PREX2: variants seen among roughly 807,000 people sequenced by gnomAD.
PREX2 encodes the protein phosphatidylinositol-3,4,5-trisphosphate dependent Rac exchange factor 2.
Under a neutral mutation model 203.2 loss-of-function variants are expected in PREX2, and 107 were observed. That is an observed-to-expected ratio of 0.53 (90% CI 0.45 to 0.62). The LOEUF (loss-of-function observed/expected upper bound fraction) is 0.62, where lower values mean the gene tolerates loss of function less well. Ranked by LOEUF, PREX2 falls within the 20% of genes least tolerant of loss-of-function variation. The probability of loss-of-function intolerance (pLI) is 0.00; values close to 1 mark genes in which losing one functional copy is unlikely to be tolerated. For synonymous variants in PREX2, 672 were observed against 663.6 expected, an observed-to-expected ratio of 1.01 and a Z score of -0.19; for missense variants, 1,777 against 1,955.9, an observed-to-expected ratio of 0.91 and a Z score of 1.72.
At chr8:68,118,769 G>C (rs770862931) in intron 27 of PREX2, 125 bp downstream of exon 27, 6 of 787,674 alleles carry the variant, frequency 7.6e-6, no homozygotes, top group Non-Finnish European at 1.4e-5. Flanking sequence ...ACTCTCTGTG[G>C]CCACACATAC....
chr8:68,036,303 C>T (rs1808029207), intron 6 of PREX2, among the ~76,000 whole-genome samples: 3 of 152,226 alleles, frequency 2.0e-5, no homozygotes, highest in Admixed American at 2.0e-4. Flanking sequence ...ATACTCCTTG[C>T]ATTTATTAAG....
chr8:67,996,992 C>G (rs1473061693), intron 1 of PREX2, among the ~76,000 whole-genome samples: 1 of 152,064 alleles, frequency 6.6e-6, no homozygotes, highest in Non-Finnish European at 1.5e-5. Flanking sequence ...CTGCAGTCAA[C>G]GTGAGTGAAA....
chr8:68,051,382 G>T (rs181760973), intron 8 of PREX2, among the ~76,000 whole-genome samples: 1 of 152,176 alleles, frequency 6.6e-6, no homozygotes, highest in East Asian at 1.9e-4. Context: ...TAAGCTGCAG[G>T]TGCAAGGTTC....
At position 68,108,301 on chromosome 8, in the gene PREX2, C is replaced by T; in HGVS notation, c.2908C>T (p.His970Tyr). 6.2e-7 allele frequency: 1 copy of T among 1,613,622 alleles called. No individual in the cohort carries two copies. Among genetic ancestry groups the T allele is most frequent in the Non-Finnish European group, 8.5e-7 (1 of 1,179,716 alleles). Residue 970 changes from histidine (H) to tyrosine (Y), a missense_variant, in exon 24 of 40, where the codon CAT becomes TAT. His to Tyr is a moderately conservative substitution (Grantham distance 83). Coordinates refer to ENST00000288368, the MANE Select transcript of PREX2 (RefSeq NM_024870.4). The stretch of plus-strand genomic sequence containing the variant: ...GTTGGATAGCAGGAAGCATAATTCT[C>T]ATGATAAAGAAAACAAATCTTCGGA... ...VQLDSRKHNSHDKENKSSEQG... is the reference protein window; with the variant it reads ...VQLDSRKHNSYDKENKSSEQG...
chr8:68,134,001 T>C, intron 31 of PREX2, 58 bp from the exon 32 acceptor site: 1 of 1,357,792 alleles, frequency 7.4e-7, no homozygotes, highest in Admixed American at 1.7e-5. Context: ...CTGAACGCAT[T>C]GGTTTTCACC....
intron 30 of PREX2, among the ~76,000 whole-genome samples, chr8:68,126,376 A>G (rs1193249802): frequency 6.6e-6 from 1 of 152,164 alleles, no homozygotes. Flanking sequence ...TGTAAAATAG[A>G]TAAGGCAGAT....
chr8:68,089,760 A>G (rs1185857114), intron 19 of PREX2, among the ~76,000 whole-genome samples: 2 of 152,246 alleles, frequency 1.3e-5, no homozygotes, highest in Non-Finnish European at 2.9e-5. Context: ...TATGAGAGAC[A>G]TTGGTCACAA....
intron 37 of PREX2, among the ~76,000 whole-genome samples, chr8:68,197,559 A>C (rs931590979): frequency 2.6e-5 from 4 of 152,102 alleles, no homozygotes; most frequent in Admixed American, 2.6e-4. Flanking sequence ...GTGAGAAGGG[A>C]CTAATACAAC....
At chr8:68,223,291 T>C (rs552057635) in intron 38 of PREX2, 1 of 152,210 alleles carries the variant, frequency 6.6e-6, no homozygotes, top group Non-Finnish European at 1.5e-5. Context: ...AAGTTTTCTT[T>C]GTTTGTTTTG....
chr8:67,990,450 A>G (rs1013831606), intron 1 of PREX2, among the ~76,000 whole-genome samples: 1 of 149,884 alleles, frequency 6.7e-6, no homozygotes, highest in Non-Finnish European at 1.5e-5. Flanking sequence ...ATGGTCTTGG[A>G]TAGGGCCTGG....
intron 35 of PREX2, among the ~76,000 whole-genome samples, 170 bp downstream of exon 35, chr8:68,157,606 T>C (rs1811565701): frequency 6.6e-6 from 1 of 152,162 alleles, no homozygotes; most frequent in Non-Finnish European, 1.5e-5. Context: ...GTTATACTTT[T>C]TCCCAGTAAA....
intron 35 of PREX2, among the ~76,000 whole-genome samples, chr8:68,187,271 C>G (rs80317293): frequency 6.6e-6 from 1 of 152,112 alleles, no homozygotes; most frequent in Non-Finnish European, 1.5e-5. Context: ...CTAAATTCTA[C>G]TTGCACACTG....
intron 35 of PREX2, among the ~76,000 whole-genome samples, chr8:68,180,170 A>G (rs569278654): frequency 6.6e-6 from 1 of 152,232 alleles, no homozygotes; most frequent in African/African-American, 2.4e-5. Context: ...TATGATCAAA[A>G]TGGGACATTC....
intron 1 of PREX2, among the ~76,000 whole-genome samples, chr8:67,975,694 C>CTTTTTTT (rs67614434): frequency 0.012 from 923 of 74,976 alleles, 115 homozygotes; most frequent in Middle Eastern, 0.015. Context: ...ATTTCTCTTT[C>CTTTTTTT]TTTTTTTTTT....
chr8:68,010,813 G>A (rs1301586719), intron 1 of PREX2, among the ~76,000 whole-genome samples: 1 of 152,070 alleles, frequency 6.6e-6, no homozygotes, highest in Non-Finnish European at 1.5e-5. Context: ...CTTCCAAACA[G>A]CCCACTATAA....
intron 19 of PREX2, among the ~76,000 whole-genome samples, chr8:68,089,704 A>T (rs1809809098): frequency 6.6e-6 from 1 of 152,368 alleles, no homozygotes; most frequent in Non-Finnish European, 1.5e-5. Context: ...GCAAAGATAT[A>T]TTCTTGAATG....
chr8:68,161,338 C>T (rs1811650230), intron 35 of PREX2, among the ~76,000 whole-genome samples: 1 of 151,924 alleles, frequency 6.6e-6, no homozygotes, highest in Non-Finnish European at 1.5e-5. Context: ...CGTGATCTGC[C>T]CACCTCAGCC....
chr8:68,022,509 A>G (rs1207116590), intron 4 of PREX2, among the ~76,000 whole-genome samples: 1 of 152,174 alleles, frequency 6.6e-6, no homozygotes, highest in East Asian at 1.9e-4. Context: ...AATCGTGGAT[A>G]TGGTAGAAAA....
rs1252580934 is a variant in PREX2, at chr8:68,232,265, C to T, written c.*887C>T. 2 of 152,098 alleles carry T rather than the reference C, an allele frequency of 1.3e-5. No individual in the cohort carries two copies. Among genetic ancestry groups the T allele is most frequent in the African/African-American group, 4.8e-5 (2 of 41,412 alleles). The allele number at this position is 152,098 out of a possible 1,614,324, so 9.4% of individuals were successfully genotyped here. On this transcript the variant is annotated 3_prime_UTR_variant, in exon 40 of 40. Coordinates refer to ENST00000288368, the MANE Select transcript of PREX2 (RefSeq NM_024870.4). ...TAAAACTCTTAATTTTATGAAGGCT[C>T]TCATATGAGAGGTCAGACTCTTCAA... is the stretch of plus-strand genomic sequence containing the variant.
Sources: gnomAD v4.1 joint callset for allele counts (sites outside exome capture counted in the v4.1 genomes callset) on GRCh38, gnomAD v4.1.1 for gene constraint, MANE v1.5 for transcripts, NCBI Gene and HGNC (gene_info 2026-07-23, HGNC 2026-07-21) for gene names.